The following GPBP1 variants were observed in gnomAD, a reference collection of about 807,000 sequenced individuals.
The protein encoded by GPBP1 is vasculin.
GPBP1 carries 13 observed loss-of-function variants against 56.5 expected under a neutral mutation model. That is an observed-to-expected ratio of 0.23 (90% CI 0.15 to 0.37). The LOEUF (loss-of-function observed/expected upper bound fraction) is 0.37. GPBP1 is among the 10% of genes least tolerant of loss of function. The probability of loss-of-function intolerance (pLI) is 1.00; values close to 1 mark genes in which losing one functional copy is unlikely to be tolerated. For synonymous variants in GPBP1, 204 were observed against 188.9 expected (o/e 1.08, Z -0.66); for missense variants, 477 against 572.3 (o/e 0.83, Z 1.70).
intron 2 of GPBP1, among the ~76,000 whole-genome samples, chr5:57,191,962 G>A (rs959913354): frequency 6.6e-6 from 1 of 152,182 alleles, no homozygotes; most frequent in Admixed American, 6.5e-5. Context: ...GTGTCTTTGA[G>A]GAGGATACTA....
rs548808543 is a variant in GPBP1, at chr5:57,184,845, C to T, written c.-58+8445C>T. On this transcript the variant is annotated intron_variant, in intron 2 of 11. Coordinates refer to ENST00000506184, the MANE Select transcript of GPBP1 (RefSeq NM_022913.4). ...GATGTCCTTTCCTATTGGGTATTTT[C>T]CGGAATGTCAAAGGAATTATACAGT... is the stretch of plus-strand genomic sequence containing the variant. Among the ~76,000 whole-genome samples, 9 of 152,288 alleles carry T rather than the reference C, an allele frequency of 5.9e-5. No homozygotes were observed. The South Asian group carries it at 1.7e-3, about 28-fold the overall frequency.
At chr5:57,203,608 G>GTTCC (rs1278641065) in intron 2 of GPBP1, among the ~76,000 whole-genome samples, 2 of 152,144 alleles carry the variant, frequency 1.3e-5, no homozygotes, top group African/African-American at 4.8e-5. Flanking sequence ...TTGTACCACT[G>GTTCC]TACTTCCAGC....
chr5:57,233,751 A>G (rs1756556775), intron 5 of GPBP1, among the ~76,000 whole-genome samples: 1 of 152,208 alleles, frequency 6.6e-6, no homozygotes, highest in East Asian at 1.9e-4. Flanking sequence ...CACAGATGGA[A>G]GAAAATCTAG....
At chr5:57,230,561 C>T (rs775099128) in intron 3 of GPBP1, 16 of 344,616 alleles carry the variant, frequency 4.6e-5, no homozygotes, top group Non-Finnish European at 6.9e-5. Flanking sequence ...TGAGAAACAT[C>T]GTATTTTAAC....
At chr5:57,193,636 A>C (rs974176545) in intron 2 of GPBP1, among the ~76,000 whole-genome samples, 165 of 150,018 alleles carry the variant, frequency 1.1e-3, no homozygotes, top group African/African-American at 3.8e-3. Context: ...AAAAAAAAAA[A>C]CTATGAAAAG....
chr5:57,235,413 C>CT (rs750088423), intron 5 of GPBP1, among the ~76,000 whole-genome samples: 2,772 of 142,850 alleles, frequency 0.019, 74 homozygotes, highest in Admixed American at 0.071. Context: ...TTTTTCTTTT[C>CT]TTTTTTTTTT....
At chr5:57,247,880 A>G (rs1029659533) in intron 8 of GPBP1, among the ~76,000 whole-genome samples, 1 of 151,684 alleles carries the variant, frequency 6.6e-6, no homozygotes, top group East Asian at 1.9e-4. Flanking sequence ...ATTGTCTAGG[A>G]CTACAGGTGC....
chr5:57,228,688 C>G (rs1373934233), intron 3 of GPBP1, among the ~76,000 whole-genome samples: 1 of 151,436 alleles, frequency 6.6e-6, no homozygotes, highest in African/African-American at 2.4e-5. Flanking sequence ...AAAAAATAAG[C>G]TGTAGAAAAA....
intron 10 of GPBP1, among the ~76,000 whole-genome samples, chr5:57,258,690 C>T (rs1193680949): frequency 6.6e-6 from 1 of 151,916 alleles, no homozygotes; most frequent in Non-Finnish European, 1.5e-5. Flanking sequence ...CTTTGTTGCC[C>T]AGGCTGGTCT....
In GPBP1 at chr5:57,250,965, ATTTAAT is replaced by A. The variant is rs771770393; in HGVS notation, c.987_992del (p.Phe329_Asn330del). ...TCTCTAAAAATCAGGATGACGACTC[ATTTAAT>A]TTACATAACAGCAATAGTACTCACC... is the stretch of plus-strand genomic sequence containing the variant. On this transcript the variant is annotated inframe_deletion, in exon 10 of 12. Coordinates refer to ENST00000506184, the MANE Select transcript of GPBP1 (RefSeq NM_022913.4). The A allele has an allele frequency of 6.3e-7, 1 of 1,575,820 alleles. No homozygotes were observed. Among genetic ancestry groups the A allele is most frequent in the Non-Finnish European group, 8.6e-7 (1 of 1,162,450 alleles).
intron 4 of GPBP1, 64 bp downstream of exon 4, chr5:57,231,033 G>C (rs1290970320): frequency 6.3e-7 from 1 of 1,582,458 alleles, no homozygotes; most frequent in African/African-American, 1.4e-5. Flanking sequence ...AGAATGTTTT[G>C]ATGTGATTCA....
chr5:57,208,718 G>A (rs1313067578), intron 2 of GPBP1, among the ~76,000 whole-genome samples: 6 of 147,200 alleles, frequency 4.1e-5, no homozygotes, highest in African/African-American at 1.0e-4. Flanking sequence ...GTGCAATGGC[G>A]TGATCTCGGC....
At chr5:57,212,805 G>C (rs1319101621) in intron 2 of GPBP1, among the ~76,000 whole-genome samples, 1 of 151,416 alleles carries the variant, frequency 6.6e-6, no homozygotes, top group Non-Finnish European at 1.5e-5. Flanking sequence ...GAGTAGCTGG[G>C]ATTACAGGCG....
At chr5:57,254,008 G>A (rs920295844) in intron 10 of GPBP1, among the ~76,000 whole-genome samples, 3 of 152,138 alleles carry the variant, frequency 2.0e-5, no homozygotes, top group Admixed American at 6.5e-5. Flanking sequence ...CACAGTGATG[G>A]TTCACTGATA....
At chr5:57,219,935 C>G (rs1411705749) in intron 3 of GPBP1, among the ~76,000 whole-genome samples, 1 of 151,622 alleles carries the variant, frequency 6.6e-6, no homozygotes, top group Non-Finnish European at 1.5e-5. Flanking sequence ...GCCTGTAATC[C>G]TAGCTACTCG....
intron 3 of GPBP1, among the ~76,000 whole-genome samples, chr5:57,220,662 A>G (rs1755916795): frequency 6.7e-6 from 1 of 150,170 alleles, no homozygotes; most frequent in Admixed American, 6.6e-5. Flanking sequence ...GTTTCATCAT[A>G]TTGTCCAGGC....
chr5:57,230,190 C>T (rs188449383), intron 3 of GPBP1, among the ~76,000 whole-genome samples: 2 of 152,160 alleles, frequency 1.3e-5, no homozygotes, highest in African/African-American at 4.8e-5. Flanking sequence ...CCTCGGCCTC[C>T]GAAAGTGCTG....
intron 8 of GPBP1, among the ~76,000 whole-genome samples, chr5:57,247,632 C>T (rs940430071): frequency 1.3e-5 from 2 of 152,106 alleles, no homozygotes; most frequent in African/African-American, 4.8e-5. Flanking sequence ...CTGCAGCAAG[C>T]TGTGATTGTG....
At chr5:57,180,568 A>G (rs1051501114) in intron 2 of GPBP1, among the ~76,000 whole-genome samples, 2 of 152,204 alleles carry the variant, frequency 1.3e-5, no homozygotes, top group African/African-American at 4.8e-5. Context: ...AAAAAGGGTC[A>G]TGGCTGAGGG....
Sources: gnomAD v4.1 joint callset for allele counts (sites outside exome capture counted in the v4.1 genomes callset) on GRCh38, gnomAD v4.1.1 for gene constraint, MANE v1.5 for transcripts, NCBI Gene and HGNC (gene_info 2026-07-23, HGNC 2026-07-21) for gene names.